Variants in TEKT1 observed in about 807,000 individuals in gnomAD.
TEKT1 encodes tektin-1.
In TEKT1, 32 loss-of-function variants were observed where a neutral mutation model predicts 34.8. That is an observed-to-expected ratio of 0.92 (90% confidence interval 0.69 to 1.23). TEKT1 has a LOEUF of 1.23. Among genes scored for constraint, TEKT1 ranks in the 50% most tolerant of loss-of-function variants. The pLI is 0.00. For synonymous variants in TEKT1, 207 were observed against 199.8 expected, an observed-to-expected ratio of 1.04 and a Z score of -0.30; for missense variants, 492 against 518.5, an observed-to-expected ratio of 0.95 and a Z score of 0.50.
At chr17:6,830,126 T>C (rs1326323326) in intron 2 of TEKT1, 61 bp downstream of exon 2, 2 of 1,491,156 alleles carry the variant, frequency 1.3e-6, no homozygotes, top group Non-Finnish European at 1.8e-6. Context: ...CATGACACTA[T>C]AGCTAAACTC....
chr17:6,803,145 G>A (rs1032645495), intron 6 of TEKT1, among the ~76,000 whole-genome samples: 14 of 151,972 alleles, frequency 9.2e-5, no homozygotes, highest in Admixed American at 2.0e-4. Context: ...TTTAATGATC[G>A]CCATTCTAAC....
At chr17:6,810,238 TTTTCG>T in intron 6 of TEKT1, among the ~76,000 whole-genome samples, 1 of 152,242 alleles carries the variant, frequency 6.6e-6, no homozygotes, top group African/African-American at 2.4e-5. Flanking sequence ...GTTGAGCATC[TTTTCG>T]TATGCTTACT....
At chr17:6,827,223 T>C (rs1405896766) in intron 2 of TEKT1, among the ~76,000 whole-genome samples, 2 of 151,962 alleles carry the variant, frequency 1.3e-5, no homozygotes, top group Non-Finnish European at 2.9e-5. Context: ...GTAGAAGTCT[T>C]CCAACTGTGT....
intron 2 of TEKT1, among the ~76,000 whole-genome samples, chr17:6,828,312 C>T (rs1171070799): frequency 6.6e-6 from 1 of 152,128 alleles, no homozygotes; most frequent in East Asian, 1.9e-4. Context: ...AGGGTGGTAT[C>T]AATGTAAGGG....
chr17:6,802,592 A>C, intron 6 of TEKT1, among the ~76,000 whole-genome samples: 1 of 151,636 alleles, frequency 6.6e-6, no homozygotes. Context: ...TTAACTCATC[A>C]TTTAGCATTA....
At position 6,819,327 on chromosome 17, in the gene TEKT1, C is replaced by G. The variant is rs146413217; in HGVS notation, c.222G>C (p.Lys74Asn). 1.9e-6 allele frequency: 3 copies of G among 1,613,948 alleles called. No homozygotes were observed. The African/African-American group carries it at 4.0e-5, about 22-fold the overall frequency. Residue 74 changes from lysine to asparagine, a missense_variant, in exon 3 of 8, where the codon AAG becomes AAC. Physicochemically the swap from Lys to Asn is moderately conservative, Grantham distance 94 (BLOSUM62 0). Transcript: ENST00000338694. ...GCTCAAGTTTGTCATCTAACTCCTT[C>G]TTCCAGAACTGGACTTCCTCGAGTC... Reference protein sequence around the residue: ...EQRLEEVQFWKKELDDKLEQL... With the variant: ...EQRLEEVQFWNKELDDKLEQL...
chr17:6,822,585 A>T (rs191376783), intron 2 of TEKT1, among the ~76,000 whole-genome samples: 1 of 151,834 alleles, frequency 6.6e-6, no homozygotes, highest in Non-Finnish European at 1.5e-5. Flanking sequence ...GATTTTTAAG[A>T]TTTTTCTGCT....
At chr17:6,826,231 G>A (rs9901847) in intron 2 of TEKT1, among the ~76,000 whole-genome samples, 16,483 of 151,978 alleles carry the variant, frequency 0.11, 2,563 homozygotes, top group African/African-American at 0.34. Flanking sequence ...TTACATGTTC[G>A]TCGGCTGTTT....
chr17:6,808,735 A>C (rs1976885384), intron 6 of TEKT1, among the ~76,000 whole-genome samples: 1 of 152,212 alleles, frequency 6.6e-6, no homozygotes, highest in African/African-American at 2.4e-5. Context: ...GCTATCTTCA[A>C]ATTTAAAGTT....
chr17:6,805,523 T>C (rs949380628), intron 6 of TEKT1, among the ~76,000 whole-genome samples: 1 of 152,246 alleles, frequency 6.6e-6, no homozygotes, highest in African/African-American at 2.4e-5. Flanking sequence ...TGAATGTGTT[T>C]GCTCTTGCTT....
At position 6,811,558 on chromosome 17, in the gene TEKT1, C is replaced by G. The variant is rs1265941198; in HGVS notation, c.852+1273G>C. 6.6e-6 allele frequency among the ~76,000 whole-genome samples: 1 copy of G among 152,136 alleles called. No homozygotes were observed. Among genetic ancestry groups the G allele is most frequent in the Non-Finnish European group, 1.5e-5 (1 of 68,014 alleles). On this transcript the variant is annotated intron_variant, in intron 6 of 7. Coordinates refer to ENST00000338694, the MANE Select transcript of TEKT1 (RefSeq NM_053285.2). This position sits in a 1 kb window ranked among gnomAD's most constrained non-coding sequence, Gnocchi z 4.4. ...CCATTTCCACTAGGCTCGTCTACCT[C>G]TCGGTTTGCTGAATATTGCAGTTTC...
At chr17:6,824,310 G>C (rs28378813) in intron 2 of TEKT1, among the ~76,000 whole-genome samples, 1 of 108,248 alleles carries the variant, frequency 9.2e-6, no homozygotes, top group Non-Finnish European at 1.8e-5. Context: ...GATTTCTGGC[G>C]TTACTTCTTA....
At chr17:6,800,991 A>C in intron 6 of TEKT1, 48 bp from the exon 7 acceptor site, 2 of 1,535,318 alleles carry the variant, frequency 1.3e-6, no homozygotes, top group African/African-American at 2.7e-5. Flanking sequence ...GCTCCTCAAA[A>C]CTCAACAGCT....
Position 6,800,140 on chromosome 17 carries a change from T to C in TEKT1, c.1144A>G (p.Thr382Ala). The change falls in exon 8 of 8, where the codon ACC becomes GCC. Residue 382 changes from threonine to alanine, a missense_variant. Transcript: ENST00000338694. ...LQEEIQVKENTIYIDEVLCMQ... is the reference protein window; with the variant it reads ...LQEEIQVKENAIYIDEVLCMQ... ...CACAGCACTTCGTCGATATAAATGG[T>C]GTTCTCTTTGACCTGGATCTCCTCC... 6.2e-7 allele frequency: 1 copy of C among 1,614,182 alleles called. No homozygotes were observed. Among genetic ancestry groups the C allele is most frequent in the African/African-American group, 1.3e-5 (1 of 75,058 alleles).
Position 6,811,822 on chromosome 17 carries a change from T to C in TEKT1, c.852+1009A>G, listed in dbSNP as rs1311778045. ...CAGTGGCCTGCTGAAATGTGTAGCTTGAAATCCACCAATGTGGGAGTATTT... is the reference window on the plus strand; with the variant it reads ...CAGTGGCCTGCTGAAATGTGTAGCTCGAAATCCACCAATGTGGGAGTATTT... On this transcript the variant is annotated intron_variant, in intron 6 of 7. Transcript: ENST00000338694. The surrounding 1 kb of genome is among the most constrained non-coding windows in gnomAD (Gnocchi z 4.4). 1.3e-5 allele frequency among the ~76,000 whole-genome samples: 2 copies of C among 152,136 alleles called. No homozygotes were observed. The highest frequency in any genetic ancestry group is 4.8e-5 in the African/African-American group (2 of 41,438).
intron 6 of TEKT1, among the ~76,000 whole-genome samples, chr17:6,808,296 G>A (rs148054107): frequency 1.2e-3 from 190 of 152,308 alleles, no homozygotes; most frequent in East Asian, 0.012. Context: ...CTGGTGTGCC[G>A]TTTGCTAAGA....
At position 6,811,510 on chromosome 17, in the gene TEKT1, A is replaced by G. The variant is rs184640610; in HGVS notation, c.852+1321T>C. 7.8e-4 allele frequency among the ~76,000 whole-genome samples: 119 copies of G among 152,132 alleles called. No homozygotes were observed. Among genetic ancestry groups the G allele is most frequent in the Middle Eastern group, 3.4e-3 (1 of 294 alleles). Reference sequence around the variant, plus strand: ...GTGTTGAAGCCACAGTTCAAACCCAAGATGTCTGGCTCTGACGTCTACCCA... The same window carrying G: ...GTGTTGAAGCCACAGTTCAAACCCAGGATGTCTGGCTCTGACGTCTACCCA... On this transcript the variant is annotated intron_variant, in intron 6 of 7. Transcript: ENST00000338694. The surrounding 1 kb of genome is among the most constrained non-coding windows in gnomAD (Gnocchi z 4.4).
intron 2 of TEKT1, 29 bp from the exon 3 acceptor site, chr17:6,819,387 G>A: frequency 6.3e-7 from 1 of 1,593,060 alleles, no homozygotes; most frequent in South Asian, 1.2e-5. Context: ...TTACACCAGG[G>A]CTAATCTATC....
At position 6,818,066 on chromosome 17, in the gene TEKT1, G is replaced by A. The variant is rs536695125; in HGVS notation, c.356+1127C>T. On this transcript the variant is annotated intron_variant, in intron 3 of 7. Transcript: ENST00000338694. Reference sequence around the variant, plus strand: ...CTTTCCAGGAAGACAGGGGCATGGTGCATTTGAGAAACTGCAAGTAGCTCC... The same window carrying A: ...CTTTCCAGGAAGACAGGGGCATGGTACATTTGAGAAACTGCAAGTAGCTCC... 5.3e-5 allele frequency among the ~76,000 whole-genome samples: 8 copies of A among 152,294 alleles called. No individual in the cohort carries two copies. In the East Asian group the frequency reaches 1.5e-3, roughly 29 times the overall value.
Sources: allele counts gnomAD v4.1 joint callset (sites outside exome capture counted in the v4.1 genomes callset), GRCh38; gene constraint gnomAD v4.1.1; non-coding constraint Gnocchi (gnomAD v3.1); transcripts MANE v1.5; gene names NCBI Gene and HGNC (gene_info 2026-07-23, HGNC 2026-07-21).